The following DEPDC5 variants were observed in gnomAD, a reference collection of about 807,000 sequenced individuals.
DEPDC5 encodes the protein GATOR1 complex protein DEPDC5.
DEPDC5 carries 73 observed loss-of-function variants against 217.3 expected under a neutral mutation model. The observed-to-expected ratio is 0.34, with a 90% CI of 0.28 to 0.41. The LOEUF (loss-of-function observed/expected upper bound fraction) is 0.41, where lower values mean the gene tolerates loss of function less well. DEPDC5 is among the 10% of genes least tolerant of loss of function. DEPDC5 has a pLI of 1.00. For missense variants in DEPDC5, 1,675 were observed against 2,070.1 expected (o/e 0.81, Z 3.70); for synonymous variants, 733 against 756.7 (o/e 0.97, Z 0.51).
chr22:31,781,511 C>CA (rs1442143260), intron 8 of DEPDC5, among the ~76,000 whole-genome samples: 1 of 152,088 alleles, frequency 6.6e-6, no homozygotes, highest in Non-Finnish European at 1.5e-5. Context: ...CGGCTCACTA[C>CA]AACCTCCGCC....
rs1014042491 is a variant in DEPDC5 at position 31,847,027 on chromosome 22, G to A, written c.3155+60G>A. The A allele has an allele frequency of 3.8e-5, 61 of 1,606,052 alleles. 1 individual carries two copies. The South Asian group carries it at 5.9e-4, about 16-fold the overall frequency. On this transcript the variant is annotated intron_variant, in intron 31 of 42. Transcript: ENST00000651528. ...CTTGACAGCCCTGAGGGTTTTCAGTGCCCTGTTCCCTTGAGGGGGTGAAAT... is the reference window on the plus strand; with the variant it reads ...CTTGACAGCCCTGAGGGTTTTCAGTACCCTGTTCCCTTGAGGGGGTGAAAT...
intron 32 of DEPDC5, chr22:31,859,079 G>GTTTTTTTTTTTT (rs136864): frequency 3.0e-5 from 2 of 67,008 alleles, no homozygotes; most frequent in Non-Finnish European, 5.6e-5. Context: ...CCATTCCTTT[G>GTTTTTTTTTTTT]TTTTTTTTTT....
At chr22:31,892,124 G>T (rs578144386) in intron 38 of DEPDC5, among the ~76,000 whole-genome samples, 3 of 152,204 alleles carry the variant, frequency 2.0e-5, no homozygotes, top group Non-Finnish European at 4.4e-5. Flanking sequence ...GGTGGTCTGT[G>T]CTGTTTGCCC....
chr22:31,782,138 ATTT>A (rs771378249), intron 8 of DEPDC5, among the ~76,000 whole-genome samples: 2 of 143,134 alleles, frequency 1.4e-5, no homozygotes, highest in African/African-American at 2.6e-5. Flanking sequence ...TCTGAAAAAA[ATTT>A]TTTTTTTTTT....
intron 13 of DEPDC5, 78 bp downstream of exon 13, chr22:31,797,781 T>A (rs1450300849): frequency 9.1e-7 from 1 of 1,100,370 alleles, no homozygotes; most frequent in South Asian, 1.3e-5. Context: ...AAGAGATGTG[T>A]GCTTGTTTCT....
intron 16 of DEPDC5, 123 bp downstream of exon 16, chr22:31,804,346 C>G: frequency 1.1e-6 from 1 of 915,638 alleles, no homozygotes; most frequent in Non-Finnish European, 1.7e-6. Flanking sequence ...GTGGGAAGAT[C>G]CCTTAAGCCT....
intron 19 of DEPDC5, among the ~76,000 whole-genome samples, chr22:31,810,021 A>G (rs2088077242): frequency 6.6e-6 from 1 of 152,062 alleles, no homozygotes; most frequent in South Asian, 2.1e-4. Context: ...CAACAAAACT[A>G]TGTGAAGTGC....
chr22:31,892,352 G>A (rs1336301890), intron 38 of DEPDC5, among the ~76,000 whole-genome samples: 1 of 152,150 alleles, frequency 6.6e-6, no homozygotes, highest in East Asian at 1.9e-4. Context: ...ATTTCTTTTA[G>A]AGCAGTTTTC....
chr22:31,895,495 T>C (rs946135749), intron 39 of DEPDC5, among the ~76,000 whole-genome samples: 2 of 152,156 alleles, frequency 1.3e-5, no homozygotes, highest in Non-Finnish European at 2.9e-5. Flanking sequence ...TAACCATCTT[T>C]ATAGTGTGCC....
chr22:31,815,838 A>C lies in DEPDC5; in HGVS notation c.1666+626A>C, dbSNP rs188082507. On this transcript the variant is annotated intron_variant, in intron 21 of 42. Transcript: ENST00000651528. ...ACCAATGTTACCGCACCCTGCCTCT[A>C]TTATACTATTTTTTGTTTAGCCTTT... 34 of 1,160,410 alleles carry C rather than the reference A, an allele frequency of 2.9e-5. 1 individual carries two copies. In the East Asian group the frequency reaches 1.4e-3, roughly 47 times the overall value. 71.9% of individuals were successfully genotyped at this position (1,160,410 alleles called of 1,614,324 possible). A position where few individuals can be genotyped will look rare whatever the true frequency, so the allele number is the denominator to read the frequency against.
chr22:31,809,683 A>G, intron 19 of DEPDC5, 36 bp downstream of exon 19: 1 of 1,611,826 alleles, frequency 6.2e-7, no homozygotes, highest in Non-Finnish European at 8.5e-7. Context: ...CTTGCTTTTA[A>G]AAAGAGAGTC....
At position 31,897,646 on chromosome 22, in the gene DEPDC5, G is replaced by A. The variant is rs2093577003; in HGVS notation, c.4368G>A (p.Leu1456=). The A allele has an allele frequency of 3.7e-6, 6 of 1,613,698 alleles. No individual in the cohort carries two copies. The highest frequency in any genetic ancestry group is 1.3e-5 in the African/African-American group (1 of 74,890). The stretch of plus-strand genomic sequence containing the variant: ...TGCTCAAGGAGGGCAGCGAGCACCT[G>A]TTTGATAGTAAGAAATATTCCCTTC... ...SCLLKEGSEH[L]FDSFEPETYW... The change falls in exon 40 of 43, where the codon CTG becomes CTA. Residue 1456 remains leucine (L), a synonymous_variant. Coordinates refer to ENST00000651528, the MANE Select transcript of DEPDC5 (RefSeq NM_001242896.3).
At chr22:31,846,426 G>A (rs528182679) in intron 30 of DEPDC5, among the ~76,000 whole-genome samples, 2 of 152,160 alleles carry the variant, frequency 1.3e-5, no homozygotes, top group African/African-American at 4.8e-5. Flanking sequence ...CATCACTTAC[G>A]ATTAGAAACG....
At chr22:31,777,296 T>C (rs982881181) in intron 7 of DEPDC5, among the ~76,000 whole-genome samples, 5 of 151,384 alleles carry the variant, frequency 3.3e-5, no homozygotes, top group Non-Finnish European at 5.9e-5. Context: ...AGTCTCGCTC[T>C]GTCGCCCAGG....
chr22:31,879,973 C>A, intron 38 of DEPDC5: 1 of 553,206 alleles, frequency 1.8e-6, no homozygotes, highest in Non-Finnish European at 3.3e-6. Flanking sequence ...TAGCACCTCT[C>A]AAATCAGAAC....
At chr22:31,831,481 A>G (rs1040956140) in intron 24 of DEPDC5, among the ~76,000 whole-genome samples, 3 of 152,132 alleles carry the variant, frequency 2.0e-5, no homozygotes, top group African/African-American at 7.2e-5. Context: ...TTTTTCAGAC[A>G]GAGTCTTGCT....
In DEPDC5 at chr22:31,832,778, G is replaced by C. The variant is rs146446371; in HGVS notation, c.2105-1137G>C. Among the ~76,000 whole-genome samples, 657 of 152,236 alleles carry C rather than the reference G, an allele frequency of 4.3e-3. 1 individual carries two copies. The highest frequency in any genetic ancestry group is 0.013 in the African/African-American group (552 of 41,548). On this transcript the variant is annotated intron_variant, in intron 24 of 42. Coordinates refer to ENST00000651528, the MANE Select transcript of DEPDC5 (RefSeq NM_001242896.3). Reference sequence around the variant, plus strand: ...TTCTCATTGGGTTGTTCGTTTTCTTGCTTTTGAATTTGAGAGTTCCCTATA... The same window carrying C: ...TTCTCATTGGGTTGTTCGTTTTCTTCCTTTTGAATTTGAGAGTTCCCTATA...
rs116180816 is a variant in DEPDC5 at position 31,764,282 on chromosome 22, G to A, written c.194-693G>A. ...CCCCTTATCTCCTGCCCCATGTTAC[G>A]TTTCTTACCAGACTTAAGGGCTCAT... On this transcript the variant is annotated intron_variant, in intron 4 of 42. Transcript: ENST00000651528. 4.3e-3 allele frequency among the ~76,000 whole-genome samples: 661 copies of A among 152,078 alleles called. 5 individuals are homozygous for A. The highest frequency in any genetic ancestry group is 0.015 in the African/African-American group (623 of 41,492).
intron 24 of DEPDC5, among the ~76,000 whole-genome samples, chr22:31,823,532 C>CA (rs375009177): frequency 0.042 from 2,184 of 51,496 alleles, 55 homozygotes; most frequent in African/African-American, 0.087. Context: ...GACTCCATCT[C>CA]AAAAAAAAAA....
Sources: allele counts gnomAD v4.1 joint callset (sites outside exome capture counted in the v4.1 genomes callset), GRCh38; gene constraint gnomAD v4.1.1; transcripts MANE v1.5; gene names NCBI Gene and HGNC (gene_info 2026-07-23, HGNC 2026-07-21).